The following ANKRD45 variants were observed in gnomAD, a reference collection of about 807,000 sequenced individuals.
ANKRD45 encodes the protein ankyrin repeat domain 45.
Under a neutral mutation model 28.1 loss-of-function variants are expected in ANKRD45, and 21 were observed. The observed-to-expected ratio is 0.75, with a 90% CI of 0.53 to 1.08. The LOEUF is 1.08. Among genes scored for constraint, ANKRD45 ranks in the 50% least tolerant of loss-of-function variants. ANKRD45 has a pLI of 0.00. For synonymous variants in ANKRD45, 86 were observed against 103.9 expected, an observed-to-expected ratio of 0.83 and a Z score of 1.05; for missense variants, 261 against 308.7, an observed-to-expected ratio of 0.85 and a Z score of 1.16.
At chr1:173,613,525 G>A (rs868451763) in intron 5 of ANKRD45, among the ~76,000 whole-genome samples, 26 of 141,608 alleles carry the variant, frequency 1.8e-4, no homozygotes, top group Middle Eastern at 8.3e-3. Context: ...GCCCCCGCCC[G>A]GCCAGCCGCC....
rs563428311 is a variant in ANKRD45, at chr1:173,655,833, G to A, written c.328+3258C>T. Among the ~76,000 whole-genome samples, 8 of 152,286 alleles carry A rather than the reference G, an allele frequency of 5.3e-5. No homozygotes were observed. The East Asian group carries it at 7.7e-4, about 15-fold the overall frequency. On this transcript the variant is annotated intron_variant, in intron 2 of 5. Coordinates refer to ENST00000333279, the MANE Select transcript of ANKRD45 (RefSeq NM_198493.3). Reference sequence around the variant, plus strand: ...TGGCAGATGCCCCTCCCCCTGCCACGCTGCTGCCTCACAGGTCAATCTCAG... The same window carrying A: ...TGGCAGATGCCCCTCCCCCTGCCACACTGCTGCCTCACAGGTCAATCTCAG...
chr1:173,675,039 G>C, the ANKRD45 span, among the ~76,000 whole-genome samples: 1 of 152,040 alleles, frequency 6.6e-6, no homozygotes, highest in East Asian at 1.9e-4. Flanking sequence ...ATAAGGGAAG[G>C]AAGGAGGAAA....
the ANKRD45 span, among the ~76,000 whole-genome samples, chr1:173,698,638 T>G: frequency 6.6e-6 from 1 of 152,130 alleles, no homozygotes; most frequent in East Asian, 1.9e-4. Context: ...AAAGACACAA[T>G]GTACCAGAAT....
At position 173,627,175 on chromosome 1, in the gene ANKRD45, GAA is replaced by G. The variant is rs1488774251; in HGVS notation, c.497-18_497-17del. 3.3e-6 allele frequency: 5 copies of G among 1,532,656 alleles called. No homozygotes were observed. Among genetic ancestry groups the G allele is most frequent in the Non-Finnish European group, 4.5e-6 (5 of 1,109,512 alleles). 94.9% of individuals were successfully genotyped at this position (1,532,656 alleles called of 1,614,324 possible). ...AGCCTTGCATCTGAAAGAATGGACA[GAA>G]ACACACACATGACAAGACAAACACA... is the stretch of plus-strand genomic sequence containing the variant. On this transcript the variant is annotated splice_polypyrimidine_tract_variant and intron_variant, in intron 3 of 5. Coordinates refer to ENST00000333279, the MANE Select transcript of ANKRD45 (RefSeq NM_198493.3).
chr1:173,631,028 G>C (rs546801493), intron 3 of ANKRD45, among the ~76,000 whole-genome samples: 13 of 151,796 alleles, frequency 8.6e-5, no homozygotes, highest in Non-Finnish European at 1.8e-4. Flanking sequence ...AAGACATAGA[G>C]TGGTTGAAGA....
In ANKRD45 at chr1:173,646,941, A is replaced by G. The variant is rs1558135213; in HGVS notation, c.401T>C (p.Val134Ala). 6 of 1,613,994 alleles carry G rather than the reference A, an allele frequency of 3.7e-6. No homozygotes were observed. In the East Asian group the frequency reaches 6.7e-5, roughly 18 times the overall value. Residue 134 changes from valine to alanine, a missense_variant, in exon 3 of 6, where the codon GTT becomes GCT. Val to Ala is a moderately conservative substitution (Grantham distance 64, BLOSUM62 0). Transcript: ENST00000333279. ...ETLKALVELD[V>A]DIEALNFREE... ...CCGGAAGTTCAAAGCTTCTATATCAACATCCAGTTCTACCAGTGCTTTCAA... is the reference window on the plus strand; with the variant it reads ...CCGGAAGTTCAAAGCTTCTATATCAGCATCCAGTTCTACCAGTGCTTTCAA...
chr1:173,699,397 G>A, the ANKRD45 span, among the ~76,000 whole-genome samples: 1 of 152,126 alleles, frequency 6.6e-6, no homozygotes, highest in Non-Finnish European at 1.5e-5. Context: ...CAATATCCCT[G>A]ATGAACATCA....
chr1:173,695,108 T>G, the ANKRD45 span, among the ~76,000 whole-genome samples: 1 of 152,202 alleles, frequency 6.6e-6, no homozygotes, highest in African/African-American at 2.4e-5. Flanking sequence ...TTATATCATG[T>G]GTATATTCTT....
the ANKRD45 span, among the ~76,000 whole-genome samples, chr1:173,683,886 AGCAATGGTGAGC>A: frequency 5.3e-5 from 8 of 152,198 alleles, no homozygotes; most frequent in Admixed American, 5.2e-4. Flanking sequence ...TTACAGATGG[AGCAATGGTGAGC>A]GCACACTTGA....
chr1:173,667,168 A>T (rs1443227703), intron 1 of ANKRD45, among the ~76,000 whole-genome samples: 1 of 152,224 alleles, frequency 6.6e-6, no homozygotes, highest in Non-Finnish European at 1.5e-5. Flanking sequence ...TACAGCATGA[A>T]ACATGTTAAC....
intron 3 of ANKRD45, among the ~76,000 whole-genome samples, chr1:173,640,462 CTCG>C (rs1668651345): frequency 6.6e-6 from 1 of 151,868 alleles, no homozygotes; most frequent in African/African-American, 2.4e-5. Flanking sequence ...AAGCAGCTTC[CTCG>C]TCAGAATCAT....
At chr1:173,648,652 T>C (rs564606144) in intron 2 of ANKRD45, among the ~76,000 whole-genome samples, 32 of 152,244 alleles carry the variant, frequency 2.1e-4, no homozygotes, top group Admixed American at 1.5e-3. Context: ...AATGAAGAAA[T>C]AGAATATTTT....
At chr1:173,625,902 T>C (rs928716628) in intron 4 of ANKRD45, among the ~76,000 whole-genome samples, 6 of 152,166 alleles carry the variant, frequency 3.9e-5, no homozygotes, top group African/African-American at 7.2e-5. Context: ...TTAGACATTC[T>C]GATTTTTTCT....
At chr1:173,666,000 C>G (rs1308964187) in intron 1 of ANKRD45, among the ~76,000 whole-genome samples, 1 of 152,044 alleles carries the variant, frequency 6.6e-6, no homozygotes, top group Non-Finnish European at 1.5e-5. Flanking sequence ...GATGACTGAG[C>G]AAGACCCTGT....
At chr1:173,679,117 C>T in the ANKRD45 span, among the ~76,000 whole-genome samples, 1 of 152,170 alleles carries the variant, frequency 6.6e-6, no homozygotes, top group East Asian at 1.9e-4. Flanking sequence ...AATGGCCATA[C>T]TGCCCAAAGT....
chr1:173,680,052 AG>A, the ANKRD45 span, among the ~76,000 whole-genome samples: 1 of 152,226 alleles, frequency 6.6e-6, no homozygotes, highest in African/African-American at 2.4e-5. Flanking sequence ...GATGCTGGAG[AG>A]GATGTGGAGA....
chr1:173,690,604 C>T, the ANKRD45 span, among the ~76,000 whole-genome samples: 2 of 152,150 alleles, frequency 1.3e-5, no homozygotes, highest in Admixed American at 6.5e-5. Flanking sequence ...CAAACTTTGG[C>T]CAGAAGATTG....
chr1:173,683,460 A>C, the ANKRD45 span, among the ~76,000 whole-genome samples: 3 of 152,168 alleles, frequency 2.0e-5, no homozygotes, highest in Non-Finnish European at 4.4e-5. Flanking sequence ...CAACAAAAAG[A>C]GTTGTATAGC....
At position 173,621,685 on chromosome 1, in the gene ANKRD45, C is replaced by A. The variant is rs191292201; in HGVS notation, c.730+3102G>T. On this transcript the variant is annotated intron_variant, in intron 5 of 5. Transcript: ENST00000333279. ...AATAATCAGAGCCCTATATGAAAAA[C>A]CCACAGCCAATATCATAATGAAAGG... Among the ~76,000 whole-genome samples, 1,439 of 152,184 alleles carry A rather than the reference C, an allele frequency of 9.5e-3. 22 individuals carry two copies. Among genetic ancestry groups the A allele is most frequent in the African/African-American group, 0.033 (1,383 of 41,530 alleles).
Sources: allele counts gnomAD v4.1 joint callset (sites outside exome capture counted in the v4.1 genomes callset), GRCh38; gene constraint gnomAD v4.1.1; transcripts MANE v1.5; gene names NCBI Gene and HGNC (gene_info 2026-07-23, HGNC 2026-07-21).